The following FNIP2 variants were observed in gnomAD, a reference collection of about 807,000 sequenced individuals.
The protein encoded by FNIP2 is folliculin interacting protein 2.
FNIP2 carries 32 observed loss-of-function variants against 108.7 expected under a neutral mutation model. The ratio of observed to expected loss-of-function variants is 0.29; its 90% CI spans 0.22 to 0.40. The LOEUF (loss-of-function observed/expected upper bound fraction) is 0.40. Ranked by LOEUF, FNIP2 falls within the 10% of genes least tolerant of loss-of-function variation. The pLI, the probability that FNIP2 is intolerant of heterozygous loss-of-function variation, is 1.00. For missense variants in FNIP2, 1,202 were observed against 1,381.6 expected (o/e 0.87, Z 2.06); for synonymous variants, 480 against 496.7 (o/e 0.97, Z 0.45).
At chr4:158,877,460 C>T (rs1226828310) in intron 14 of FNIP2, among the ~76,000 whole-genome samples, 1 of 152,224 alleles carries the variant, frequency 6.6e-6, no homozygotes, top group African/African-American at 2.4e-5. Flanking sequence ...TAGTACAACT[C>T]TTAAGCCTTT....
intron 1 of FNIP2, among the ~76,000 whole-genome samples, chr4:158,777,430 A>G (rs1203165971): frequency 6.6e-6 from 1 of 152,258 alleles, no homozygotes; most frequent in Non-Finnish European, 1.5e-5. Flanking sequence ...TGATTTTTCC[A>G]TTTGAGAAAC....
chr4:158,827,062 C>T (rs953556167), intron 2 of FNIP2, among the ~76,000 whole-genome samples: 7 of 152,124 alleles, frequency 4.6e-5, no homozygotes, highest in African/African-American at 1.7e-4. Context: ...GGGTGGATTC[C>T]ACAGTGTTTT....
At chr4:158,903,190 C>T (rs1401313851) in intron 16 of FNIP2, among the ~76,000 whole-genome samples, 1 of 152,150 alleles carries the variant, frequency 6.6e-6, no homozygotes, top group Admixed American at 6.5e-5. Flanking sequence ...GACTGCAGTG[C>T]AGATATTGAG....
chr4:158,827,034 G>A (rs1778198096), intron 2 of FNIP2, among the ~76,000 whole-genome samples: 1 of 152,204 alleles, frequency 6.6e-6, no homozygotes, highest in African/African-American at 2.4e-5. Context: ...GAAGTGTTTG[G>A]TTAAACACAG....
chr4:158,884,143 G>A (rs1028240809), intron 14 of FNIP2, among the ~76,000 whole-genome samples: 2 of 151,952 alleles, frequency 1.3e-5, no homozygotes, highest in Non-Finnish European at 2.9e-5. Flanking sequence ...TTTAAATGTG[G>A]TACATAGAAA....
chr4:158,837,917 T>G (rs934154643), intron 7 of FNIP2, among the ~76,000 whole-genome samples: 1 of 152,224 alleles, frequency 6.6e-6, no homozygotes, highest in African/African-American at 2.4e-5. Flanking sequence ...CTCCCTGCTA[T>G]CCTGGTAGAT....
At chr4:158,820,983 T>A (rs191789756) in intron 1 of FNIP2, among the ~76,000 whole-genome samples, 1 of 152,360 alleles carries the variant, frequency 6.6e-6, no homozygotes, top group African/African-American at 2.4e-5. Flanking sequence ...TGGCTCTAGA[T>A]ATTTTAAAGA....
chr4:158,785,136 A>C (rs1776182539), intron 1 of FNIP2, among the ~76,000 whole-genome samples: 1 of 130,322 alleles, frequency 7.7e-6, no homozygotes, highest in African/African-American at 3.1e-5. Flanking sequence ...GCCAGGCTGG[A>C]GTGCAGTGGC....
At chr4:158,794,741 T>G (rs1361526097) in intron 1 of FNIP2, 1 of 152,304 alleles carries the variant, frequency 6.6e-6, no homozygotes, top group Non-Finnish European at 1.5e-5. Flanking sequence ...TACTAGAACA[T>G]TTAAAATTAT....
At chr4:158,772,902 G>A (rs1266316858) in intron 1 of FNIP2, among the ~76,000 whole-genome samples, 5 of 152,162 alleles carry the variant, frequency 3.3e-5, no homozygotes, top group African/African-American at 1.2e-4. Flanking sequence ...CACTGATAAA[G>A]AGTAGATTTT....
chr4:158,859,393 AT>A, intron 9 of FNIP2, 135 bp downstream of exon 9: 2 of 1,125,394 alleles, frequency 1.8e-6, no homozygotes, highest in Non-Finnish European at 2.5e-6. Flanking sequence ...AATTTTAGGC[AT>A]GTTGATGTTA....
intron 1 of FNIP2, among the ~76,000 whole-genome samples, chr4:158,815,811 C>T (rs1274366717): frequency 6.6e-6 from 1 of 152,112 alleles, no homozygotes; most frequent in Non-Finnish European, 1.5e-5. Flanking sequence ...TTTCTATACA[C>T]AATATTTTAT....
chr4:158,827,391 T>A (rs1384231562), intron 2 of FNIP2, among the ~76,000 whole-genome samples: 1 of 152,194 alleles, frequency 6.6e-6, no homozygotes, highest in Non-Finnish European at 1.5e-5. Context: ...CAAAAGGAAC[T>A]GGAATCTTCA....
At chr4:158,872,572 A>G (rs1427359282) in intron 14 of FNIP2, 1 of 985,258 alleles carries the variant, frequency 1.0e-6, no homozygotes, top group Non-Finnish European at 1.2e-6. Flanking sequence ...TGTTAATAGG[A>G]AATTCCAAAG....
chr4:158,872,876 AAT>A (rs753884725), intron 14 of FNIP2: 10 of 593,964 alleles, frequency 1.7e-5, no homozygotes, highest in Non-Finnish European at 2.1e-5. Context: ...TAAATTCTTG[AAT>A]ATGTTGCCAG....
intron 1 of FNIP2, among the ~76,000 whole-genome samples, chr4:158,772,766 T>A (rs1391680785): frequency 6.6e-6 from 1 of 152,228 alleles, no homozygotes; most frequent in Non-Finnish European, 1.5e-5. Flanking sequence ...GCGCTCTACC[T>A]GTATAAATCC....
chr4:158,833,895 G>A (rs1778626292), intron 6 of FNIP2: 1 of 1,406,304 alleles, frequency 7.1e-7, no homozygotes, highest in Non-Finnish European at 9.3e-7. Flanking sequence ...TTGCAGGTTT[G>A]TGTGGAATGC....
At chr4:158,860,330 A>G (rs185965233) in intron 10 of FNIP2, among the ~76,000 whole-genome samples, 58 of 152,318 alleles carry the variant, frequency 3.8e-4, no homozygotes, top group Admixed American at 3.7e-3. Context: ...AAAAAAATTT[A>G]TAATCCTTTG....
intron 7 of FNIP2, among the ~76,000 whole-genome samples, chr4:158,841,509 G>A (rs1481331541): frequency 6.6e-6 from 1 of 152,160 alleles, no homozygotes; most frequent in African/African-American, 2.4e-5. Flanking sequence ...CTGATAGAGT[G>A]CTTTGTAGAG....
Sources: gnomAD v4.1 joint callset for allele counts (sites outside exome capture counted in the v4.1 genomes callset) on GRCh38, gnomAD v4.1.1 for gene constraint, MANE v1.5 for transcripts, NCBI Gene and HGNC (gene_info 2026-07-23, HGNC 2026-07-21) for gene names.